Variants in PTPRQ observed in about 807,000 individuals in gnomAD.
The protein encoded by PTPRQ is protein tyrosine phosphatase receptor type Q, also known as phosphatidylinositol phosphatase PTPRQ.
Under a neutral mutation model 246.0 loss-of-function variants are expected in PTPRQ, and 199 were observed. That is an observed-to-expected ratio of 0.81 (90% CI 0.72 to 0.91). PTPRQ has a LOEUF of 0.91. Among genes scored for constraint, PTPRQ ranks in the 40% least tolerant of loss-of-function variants. PTPRQ has a pLI of 0.00. For missense variants in PTPRQ, 2,624 were observed against 2,528.4 expected, an observed-to-expected ratio of 1.04 and a Z score of -0.81; for synonymous variants, 869 against 853.2, an observed-to-expected ratio of 1.02 and a Z score of -0.32.
intron 39 of PTPRQ, among the ~76,000 whole-genome samples, chr12:80,668,511 T>C (rs1900859610): frequency 6.6e-6 from 1 of 151,884 alleles, no homozygotes; most frequent in Non-Finnish European, 1.5e-5. Context: ...AATAAATACA[T>C]GGCAGAAACA....
chr12:80,653,577 A>T (rs1360894045), intron 38 of PTPRQ, among the ~76,000 whole-genome samples: 11 of 152,310 alleles, frequency 7.2e-5, no homozygotes, highest in Non-Finnish European at 8.8e-5. Context: ...CCAATTTTAA[A>T]GATAATATAC....
chr12:80,530,641 A>AT (rs1895818271), intron 17 of PTPRQ, among the ~76,000 whole-genome samples: 1 of 152,216 alleles, frequency 6.6e-6, no homozygotes, highest in Non-Finnish European at 1.5e-5. Flanking sequence ...ACGAACAAAC[A>AT]TGTAAGAAGA....
At chr12:80,547,315 T>G (rs890294627) in intron 24 of PTPRQ, among the ~76,000 whole-genome samples, 9 of 152,192 alleles carry the variant, frequency 5.9e-5, no homozygotes, top group Non-Finnish European at 1.2e-4. Flanking sequence ...CTTAGAAATG[T>G]ACTTTTCCTT....
intron 7 of PTPRQ, among the ~76,000 whole-genome samples, chr12:80,471,658 T>C (rs917417157): frequency 6.8e-6 from 1 of 146,516 alleles, no homozygotes; most frequent in Non-Finnish European, 1.5e-5. Flanking sequence ...TTTGTATTTT[T>C]AGTAGAGACG....
intron 17 of PTPRQ, among the ~76,000 whole-genome samples, chr12:80,511,458 AT>A (rs1188173293): frequency 6.6e-6 from 1 of 152,202 alleles, no homozygotes; most frequent in Admixed American, 6.5e-5. Context: ...ATTGAACAAT[AT>A]TGATAGAATA....
At chr12:80,554,005 A>G (rs1167380056) in intron 25 of PTPRQ, among the ~76,000 whole-genome samples, 1 of 151,994 alleles carries the variant, frequency 6.6e-6, no homozygotes, top group East Asian at 1.9e-4. Context: ...GCAGCCAAAA[A>G]CTAAAACAAT....
chr12:80,492,510 C>T (rs1294716250), intron 9 of PTPRQ, among the ~76,000 whole-genome samples: 1 of 151,866 alleles, frequency 6.6e-6, no homozygotes, highest in Non-Finnish European at 1.5e-5. Flanking sequence ...ACACCTTTTC[C>T]CCATTTTGTT....
intron 7 of PTPRQ, among the ~76,000 whole-genome samples, chr12:80,470,387 C>T (rs1893585613): frequency 6.6e-6 from 1 of 151,876 alleles, no homozygotes; most frequent in South Asian, 2.1e-4. Flanking sequence ...ACTGGTTTAC[C>T]TTTTTCAGTG....
intron 43 of PTPRQ, among the ~76,000 whole-genome samples, chr12:80,678,240 A>G (rs577501002): frequency 6.6e-6 from 1 of 152,250 alleles, no homozygotes; most frequent in African/African-American, 2.4e-5. Flanking sequence ...TCCAACAGTC[A>G]TTCTAACAAG....
intron 3 of PTPRQ, among the ~76,000 whole-genome samples, chr12:80,446,638 A>C (rs1006080239): frequency 1.3e-5 from 2 of 151,814 alleles, no homozygotes; most frequent in Non-Finnish European, 2.9e-5. Context: ...TGTTATGCCC[A>C]TGTGTACTCA....
At chr12:80,648,651 A>C (rs1015410172) in intron 35 of PTPRQ, among the ~76,000 whole-genome samples, 1 of 152,128 alleles carries the variant, frequency 6.6e-6, no homozygotes, top group East Asian at 1.9e-4. Flanking sequence ...ATTTATAATG[A>C]CATTTATAAT....
In PTPRQ at chr12:80,668,997, A is replaced by G. The variant is rs747868935; in HGVS notation, c.6193-10A>G. 1 of 1,544,658 alleles carries G rather than the reference A, an allele frequency of 6.5e-7. No individual in the cohort carries two copies. The highest frequency in any genetic ancestry group is 2.5e-5 in the East Asian group (1 of 40,760). On this transcript the variant is annotated splice_polypyrimidine_tract_variant and intron_variant, in intron 39 of 44. Coordinates refer to ENST00000644991, the MANE Select transcript of PTPRQ (RefSeq NM_001145026.2). The stretch of plus-strand genomic sequence containing the variant: ...ACAGTGATGCAGTGTTTGTAATTAT[A>G]TCCTTCTAGGGTTATTTATGTCCAA...
chr12:80,550,205 C>T (rs1329887064), intron 25 of PTPRQ, among the ~76,000 whole-genome samples: 1 of 152,076 alleles, frequency 6.6e-6, no homozygotes, highest in African/African-American at 2.4e-5. Context: ...ATATCCGGGT[C>T]GTTAAGCTTT....
chr12:80,602,905 C>G (rs1020207190), intron 26 of PTPRQ, among the ~76,000 whole-genome samples: 2 of 151,882 alleles, frequency 1.3e-5, no homozygotes, highest in South Asian at 4.1e-4. Flanking sequence ...TTTCTCCATT[C>G]TGATCCTATT....
At chr12:80,632,465 G>A (rs527290632) in intron 34 of PTPRQ, among the ~76,000 whole-genome samples, 174 bp downstream of exon 34, 51 of 152,250 alleles carry the variant, frequency 3.3e-4, no homozygotes, top group Non-Finnish European at 2.5e-4. Flanking sequence ...GTGTATATGC[G>A]TTGTGTAGTG....
chr12:80,658,968 C>G (rs1900539641), intron 39 of PTPRQ, among the ~76,000 whole-genome samples: 1 of 151,942 alleles, frequency 6.6e-6, no homozygotes, highest in Non-Finnish European at 1.5e-5. Context: ...TCCCTCCAAG[C>G]CTTTGTCATG....
In PTPRQ at chr12:80,490,711, G is replaced by A. The variant is rs189996370; in HGVS notation, c.1360-2564G>A. Among the ~76,000 whole-genome samples, 167 of 152,010 alleles carry A rather than the reference G, an allele frequency of 1.1e-3. 1 individual carries two copies. The highest frequency in any genetic ancestry group is 2.1e-3 in the African/African-American group (88 of 41,530). ...TAATTCAGAATGTCAGTAGTGCTGA[G>A]GTTGGGAACCCTGTATTAAATCAGT... On this transcript the variant is annotated intron_variant, in intron 9 of 44. Coordinates refer to ENST00000644991, the MANE Select transcript of PTPRQ (RefSeq NM_001145026.2).
At chr12:80,671,256 G>C (rs938293625) in intron 42 of PTPRQ, among the ~76,000 whole-genome samples, 3 of 151,838 alleles carry the variant, frequency 2.0e-5, no homozygotes, top group Non-Finnish European at 4.4e-5. Context: ...AGAACAAAAA[G>C]TAAAAGCCTC....
At chr12:80,647,840 C>A (rs1374525967) in intron 35 of PTPRQ, among the ~76,000 whole-genome samples, 8 of 152,062 alleles carry the variant, frequency 5.3e-5, no homozygotes, top group Admixed American at 5.2e-4. Context: ...TAGTCTATCA[C>A]TTTATGTTTA....
Sources: allele counts gnomAD v4.1 joint callset (sites outside exome capture counted in the v4.1 genomes callset), GRCh38; gene constraint gnomAD v4.1.1; transcripts MANE v1.5; gene names NCBI Gene and HGNC (gene_info 2026-07-23, HGNC 2026-07-21).